The following COTL1 variants were observed in gnomAD, a reference collection of about 807,000 sequenced individuals.
COTL1 encodes coactosin-like protein.
COTL1 carries 15 observed loss-of-function variants against 16.5 expected under a neutral mutation model. The observed-to-expected ratio is 0.91, with a 90% CI of 0.61 to 1.40. COTL1 has a LOEUF of 1.40. Among genes scored for constraint, COTL1 ranks in the 40% most tolerant of loss-of-function variants. The probability of loss-of-function intolerance (pLI) is 0.00; values close to 1 mark genes in which losing one functional copy is unlikely to be tolerated. For synonymous variants in COTL1, 112 were observed against 85.3 expected, an observed-to-expected ratio of 1.31 and a Z score of -1.73; for missense variants, 220 against 201.5, an observed-to-expected ratio of 1.09 and a Z score of -0.56.
intron 2 of COTL1, among the ~76,000 whole-genome samples, chr16:84,613,045 G>A (rs1905372973): frequency 6.7e-6 from 1 of 149,650 alleles, no homozygotes; most frequent in South Asian, 2.1e-4. Context: ...CTGCTGCCCA[G>A]GCTAGAGTAC....
intron 1 of COTL1, 76 bp from the exon 2 acceptor site, chr16:84,617,659 C>A: frequency 6.8e-7 from 1 of 1,468,096 alleles, no homozygotes. Context: ...TTGCAGAGGA[C>A]AATCTAACAG....
chr16:84,567,481 G>C (rs143591002), intron 3 of COTL1: 2 of 152,794 alleles, frequency 1.3e-5, no homozygotes, highest in Non-Finnish European at 2.9e-5. Flanking sequence ...GTCACCATAC[G>C]TGGAGGTGGA....
intron 2 of COTL1, among the ~76,000 whole-genome samples, chr16:84,598,828 G>T (rs1597180425): frequency 6.7e-6 from 1 of 149,788 alleles, no homozygotes; most frequent in African/African-American, 2.4e-5. Context: ...CAGGGGTGGG[G>T]GGGAGCAAGC....
chr16:84,571,574 T>G (rs1173222522), intron 3 of COTL1, among the ~76,000 whole-genome samples: 1 of 152,184 alleles, frequency 6.6e-6, no homozygotes, highest in Non-Finnish European at 1.5e-5. Context: ...CTCCTGTGTC[T>G]TGTCCACCCC....
At chr16:84,607,338 C>T (rs1170214178) in intron 2 of COTL1, among the ~76,000 whole-genome samples, 1 of 152,104 alleles carries the variant, frequency 6.6e-6, no homozygotes, top group African/African-American at 2.4e-5. Flanking sequence ...GGAAGGCAGG[C>T]CAGCGCGGCA....
chr16:84,573,239 G>T (rs888813347), intron 3 of COTL1, among the ~76,000 whole-genome samples: 6 of 152,216 alleles, frequency 3.9e-5, no homozygotes, highest in Non-Finnish European at 5.9e-5. Flanking sequence ...CCTTAGAAAC[G>T]CTGTGTGCCC....
At position 84,566,644 on chromosome 16, in the gene COTL1, A is replaced by G; in HGVS notation, c.*201T>C. ...AAAGAAGATCAAAGAAAGAGGTTCCATGAGCGTCATGAGATAGGACACGGC... is the reference window on the plus strand; with the variant it reads ...AAAGAAGATCAAAGAAAGAGGTTCCGTGAGCGTCATGAGATAGGACACGGC... On this transcript the variant is annotated 3_prime_UTR_variant, in exon 4 of 4. Transcript: ENST00000262428. 2.0e-6 allele frequency: 1 copy of G among 501,496 alleles called. No individual in the cohort carries two copies. 31.1% of individuals were successfully genotyped at this position (501,496 alleles called of 1,614,324 possible). A position where few individuals can be genotyped will look rare whatever the true frequency, so the allele number is the denominator to read the frequency against.
In COTL1 at chr16:84,617,952, C is replaced by T. The variant is rs1277410568; in HGVS notation, c.-38G>A. 2 of 1,488,766 alleles carry T rather than the reference C, an allele frequency of 1.3e-6. No individual in the cohort carries two copies. The highest frequency in any genetic ancestry group is 1.3e-5 in the South Asian group (1 of 78,982). The allele number at this position is 1,488,766 out of a possible 1,614,324, so 92.2% of individuals were successfully genotyped here. Reference sequence around the variant, plus strand: ...GCAGCGGGACACTGTCCGGGGCGGCCGAGCGCGCCCCTGGCCGGCGGCGGG... The same window carrying T: ...GCAGCGGGACACTGTCCGGGGCGGCTGAGCGCGCCCCTGGCCGGCGGCGGG... On this transcript the variant is annotated 5_prime_UTR_variant, in exon 1 of 4. Coordinates refer to ENST00000262428, the MANE Select transcript of COTL1 (RefSeq NM_021149.5).
chr16:84,595,828 C>T (rs994493803), intron 2 of COTL1: 25 of 151,742 alleles, frequency 1.6e-4, no homozygotes, highest in African/African-American at 6.1e-4. Flanking sequence ...TATATACATA[C>T]ATTTGTGAGT....
intron 3 of COTL1, chr16:84,576,271 C>G (rs943970377): frequency 1.3e-5 from 2 of 152,178 alleles, no homozygotes; most frequent in Non-Finnish European, 2.9e-5. Context: ...ATATTCCTAA[C>G]CAATGCAGAG....
intron 2 of COTL1, among the ~76,000 whole-genome samples, chr16:84,612,497 T>C (rs1905353585): frequency 6.6e-6 from 1 of 151,828 alleles, no homozygotes. Flanking sequence ...AAATAATTAT[T>C]TGAGGCCGGG....
intron 2 of COTL1, among the ~76,000 whole-genome samples, chr16:84,591,746 C>A (rs2150688477): frequency 6.7e-6 from 1 of 149,942 alleles, no homozygotes; most frequent in South Asian, 2.1e-4. Context: ...TCACTTGAGC[C>A]CAGGAGGTTG....
At chr16:84,593,593 G>A (rs1289233614) in intron 2 of COTL1, among the ~76,000 whole-genome samples, 1 of 151,194 alleles carries the variant, frequency 6.6e-6, no homozygotes, top group Admixed American at 6.6e-5. Flanking sequence ...CTCACTGCAA[G>A]CTCCGCCTCC....
At position 84,618,045 on chromosome 16, in the gene COTL1, C is replaced by A. The variant is rs1905552570; in HGVS notation, c.-131G>T. On this transcript the variant is annotated 5_prime_UTR_variant, in exon 1 of 4. Coordinates refer to ENST00000262428, the MANE Select transcript of COTL1 (RefSeq NM_021149.5). ...CGGCGGTGGCGACGGCTACGCGGCG[C>A]CTGCAAGCTGCGAGCGCGGCGGCGG... is the stretch of plus-strand genomic sequence containing the variant. The A allele has an allele frequency of 2.8e-6, 1 of 351,298 alleles. No individual in the cohort carries two copies. The highest frequency in any genetic ancestry group is 4.1e-6 in the Non-Finnish European group (1 of 242,980). The allele number at this position is 351,298 out of a possible 1,614,324, so 21.8% of individuals were successfully genotyped here. A position where few individuals can be genotyped will look rare whatever the true frequency, so the allele number is the denominator to read the frequency against.
chr16:84,606,028 A>G (rs1905205065), intron 2 of COTL1, among the ~76,000 whole-genome samples: 1 of 152,256 alleles, frequency 6.6e-6, no homozygotes, highest in Non-Finnish European at 1.5e-5. Context: ...CGTGATGACC[A>G]TAAACTAAGT....
chr16:84,613,230 C>T (rs1009542348), intron 2 of COTL1, among the ~76,000 whole-genome samples: 23 of 152,084 alleles, frequency 1.5e-4, no homozygotes, highest in Non-Finnish European at 2.2e-4. Flanking sequence ...GAACTCCTGA[C>T]CTCAAGTGAT....
chr16:84,580,881 C>T (rs751376072), intron 3 of COTL1, among the ~76,000 whole-genome samples: 9 of 152,172 alleles, frequency 5.9e-5, no homozygotes, highest in African/African-American at 1.7e-4. Flanking sequence ...TGGTGGCTCA[C>T]GCCTGTAATG....
At chr16:84,570,113 T>G (rs1439274579) in intron 3 of COTL1, among the ~76,000 whole-genome samples, 1 of 151,958 alleles carries the variant, frequency 6.6e-6, no homozygotes, top group African/African-American at 2.4e-5. Context: ...CCTAATCTAC[T>G]AAAAATATAA....
intron 1 of COTL1, 80 bp from the exon 2 acceptor site, chr16:84,617,663 C>T (rs2069046181): frequency 1.4e-6 from 2 of 1,453,672 alleles, no homozygotes; most frequent in African/African-American, 1.4e-5. Flanking sequence ...AGAGGACAAT[C>T]TAACAGACGC....
Sources: gnomAD v4.1 joint callset for allele counts (sites outside exome capture counted in the v4.1 genomes callset) on GRCh38, gnomAD v4.1.1 for gene constraint, MANE v1.5 for transcripts, NCBI Gene and HGNC (gene_info 2026-07-23, HGNC 2026-07-21) for gene names.